Variants in RYR1 observed in about 807,000 individuals in gnomAD.
RYR1 encodes the protein ryanodine receptor 1.
Under a neutral mutation model 583.5 loss-of-function variants are expected in RYR1, and 342 were observed. The observed-to-expected ratio is 0.59, with a 90% CI of 0.54 to 0.64. The LOEUF (loss-of-function observed/expected upper bound fraction) is 0.64, where lower values mean the gene tolerates loss of function less well. RYR1 is among the 30% of genes least tolerant of loss of function. The pLI is 0.00. For missense variants in RYR1, 6,032 were observed against 6,917.2 expected (o/e 0.87, Z 4.54); for synonymous variants, 2,791 against 2,822.5 (o/e 0.99, Z 0.35).
rs1969451533 is a variant in RYR1, at chr19:38,489,404, G to A, written c.5775G>A (p.Gly1925=). ...AGAAAGAAGAAGGCTTGGAGGAAGG[G>A]CTGCTCCAGATGAAGTTGCCAGAGT... ...EGEKEEGLEE[G]LLQMKLPESV... The change falls in exon 35 of 106, where the codon GGG becomes GGA. Residue 1925 remains glycine, a synonymous_variant. Transcript: ENST00000359596. 8 of 1,613,998 alleles carry A rather than the reference G, an allele frequency of 5.0e-6. No individual in the cohort carries two copies. Among genetic ancestry groups the A allele is most frequent in the Non-Finnish European group, 6.8e-6 (8 of 1,179,928 alleles).
chr19:38,517,812 T>C, intron 66 of RYR1, 121 bp downstream of exon 66: 1 of 954,282 alleles, frequency 1.0e-6, no homozygotes, highest in Non-Finnish European at 1.6e-6. Flanking sequence ...GTGTAGGTTT[T>C]TTCAGCATCA....
chr19:38,493,897 G>A (rs1261935167), intron 38 of RYR1, among the ~76,000 whole-genome samples: 7 of 152,128 alleles, frequency 4.6e-5, no homozygotes, highest in Non-Finnish European at 7.4e-5. Context: ...GCTTCTGGTC[G>A]GCTCTGGTAT....
rs781379239 is a variant in RYR1 at position 38,529,035 on chromosome 19, C to G, written c.11119C>G (p.Arg3707Gly). The change falls in exon 76 of 106, where the codon CGC (arginine) becomes GGC (glycine). Residue 3707 changes from arginine to glycine, a missense_variant. Transcript: ENST00000359596. Reference protein sequence around the residue: ...PLHQLVLHFSRTALTEKSKLD... With the variant: ...PLHQLVLHFSGTALTEKSKLD... ...GCACCAGTTGGTCCTGCACTTCAGC[C>G]GCACTGCCCTGACGGAAAAGAGGTG... The G allele has an allele frequency of 6.2e-7, 1 of 1,613,754 alleles. No individual in the cohort carries two copies. Among genetic ancestry groups the G allele is most frequent in the Non-Finnish European group, 8.5e-7 (1 of 1,180,012 alleles).
chr19:38,545,504 G>T (rs1031475978), intron 87 of RYR1, among the ~76,000 whole-genome samples: 7 of 152,098 alleles, frequency 4.6e-5, no homozygotes, highest in Non-Finnish European at 8.8e-5. Flanking sequence ...ATTTTATTTG[G>T]TGGAACCATA....
chr19:38,502,872 T>A lies in RYR1; in HGVS notation c.7836-8T>A. The A allele has an allele frequency of 6.2e-7, 1 of 1,609,434 alleles. No individual in the cohort carries two copies. ...GGGGGATTCTACATCTTGTGCATTG[T>A]CCCGCAGGTACATCCGCCCGTCGAT... On this transcript the variant is annotated splice_region_variant and splice_polypyrimidine_tract_variant and intron_variant, in intron 48 of 105. Coordinates refer to ENST00000359596, the MANE Select transcript of RYR1 (RefSeq NM_000540.3).
In RYR1 at chr19:38,566,112, CAG is replaced by C. The variant is rs374555124; in HGVS notation, c.13437+348_13437+349del. The stretch of plus-strand genomic sequence containing the variant: ...GTAGAGAAAATGATACCTGCAGAGC[CAG>C]AGAGAGTAAGAAACCCAGAGACCAA... On this transcript the variant is annotated intron_variant, in intron 91 of 105. Coordinates refer to ENST00000359596, the MANE Select transcript of RYR1 (RefSeq NM_000540.3). Among the ~76,000 whole-genome samples, 41 of 151,846 alleles carry C rather than the reference CAG, an allele frequency of 2.7e-4. 1 individual carries two copies. The highest frequency in any genetic ancestry group is 9.7e-4 in the African/African-American group (40 of 41,412).
At chr19:38,578,474 C>G (rs1974057466) in intron 99 of RYR1, among the ~76,000 whole-genome samples, 1 of 152,236 alleles carries the variant, frequency 6.6e-6, no homozygotes, top group Non-Finnish European at 1.5e-5. Flanking sequence ...TGGTGGATCA[C>G]TGGAGCCCAG....
intron 102 of RYR1, 111 bp downstream of exon 102, chr19:38,585,210 C>CGAGAGG: frequency 1.5e-6 from 2 of 1,336,552 alleles, no homozygotes; most frequent in Non-Finnish European, 2.1e-6. Flanking sequence ...CTACCTCTCG[C>CGAGAGG]TACTGTGAGA....
chr19:38,544,196 T>G (rs2292801), intron 87 of RYR1, among the ~76,000 whole-genome samples: 2 of 152,180 alleles, frequency 1.3e-5, no homozygotes, highest in African/African-American at 4.8e-5. Flanking sequence ...ATCGCAGATG[T>G]GGACAGTCCT....
chr19:38,500,030 C>T lies in RYR1; in HGVS notation c.7323+14C>T. 3 of 1,611,540 alleles carry T rather than the reference C, an allele frequency of 1.9e-6. 1 individual carries two copies. The highest frequency in any genetic ancestry group is 2.2e-5 in the South Asian group (2 of 91,028). ...CCAGAGATGCATGTGAGACCCTGAG[C>T]CAGGGCAGGATGGGAAGGGAGGGCA... is the stretch of plus-strand genomic sequence containing the variant. On this transcript the variant is annotated intron_variant, in intron 45 of 105. Transcript: ENST00000359596. The surrounding 1 kb of genome is among the most constrained non-coding windows in gnomAD (Gnocchi z 5.9).
intron 47 of RYR1, 100 bp from the exon 48 acceptor site, chr19:38,502,407 C>T: frequency 1.3e-5 from 15 of 1,135,302 alleles, no homozygotes; most frequent in African/African-American, 1.5e-5. Flanking sequence ...TTGGGGGAGT[C>T]ATCAGAAGCT....
In RYR1 at chr19:38,443,612, C is replaced by T. The variant is rs118192173; in HGVS notation, c.325C>T (p.Arg109Trp). The T allele has an allele frequency of 4.8e-5, 77 of 1,614,100 alleles. No homozygotes were observed. The highest frequency in any genetic ancestry group is 5.8e-5 in the Non-Finnish European group (68 of 1,179,998). Residue 109 changes from arginine (R) to tryptophan (W), a missense_variant, in exon 4 of 106, where the codon CGG becomes TGG. Arg to Trp is a moderately radical substitution (Grantham distance 101). Transcript: ENST00000359596. ...TLLYGHAILL[R>W]HAHSRMYLSC... ...CCTGTATGGCCATGCCATCCTGCTC[C>T]GGCATGCACACAGCCGCATGGTGAG...
intron 7 of RYR1, among the ~76,000 whole-genome samples, chr19:38,445,817 C>T (rs1300749705): frequency 4.6e-5 from 7 of 152,084 alleles, no homozygotes; most frequent in Admixed American, 3.9e-4. Context: ...TGGCAAAACC[C>T]CATCTCTACT....
chr19:38,536,959 A>G (rs973666454), intron 83 of RYR1, 192 bp downstream of exon 83: 3 of 636,504 alleles, frequency 4.7e-6, no homozygotes, highest in African/African-American at 3.7e-5. Flanking sequence ...CAGATCAGCC[A>G]CTGAGAATAC....
At chr19:38,566,727 C>T (rs1973455464) in intron 91 of RYR1, among the ~76,000 whole-genome samples, 184 bp from the exon 92 acceptor site, 1 of 152,076 alleles carries the variant, frequency 6.6e-6, no homozygotes, top group Non-Finnish European at 1.5e-5. Context: ...AGGGCTTCAC[C>T]TCGATGAGCC....
chr19:38,506,675 T>TG (rs1436597687), intron 56 of RYR1, 129 bp downstream of exon 56: 17 of 1,470,258 alleles, frequency 1.2e-5, no homozygotes, highest in Non-Finnish European at 1.6e-5. Context: ...TTTACCACCA[T>TG]GGGGTAATGA....
rs747459771 is a variant in RYR1, at chr19:38,457,621, A to G, written c.1916A>G (p.Tyr639Cys). The change falls in exon 17 of 106, where the codon TAT becomes TGT. Residue 639 changes from tyrosine to cysteine, a missense_variant. This residue lies in a region of RYR1 where 2,627 missense variants were observed against 2,961.3 expected (regional missense o/e 0.89). Coordinates refer to ENST00000359596, the MANE Select transcript of RYR1 (RefSeq NM_000540.3). ...CTGCTGCAGACAAACCTCATCAACT[A>G]TGTCACCAGGTCTGGCTCTCAACAT... Reference protein sequence around the residue: ...ELLLQTNLINYVTSIRPNIFV... With the variant: ...ELLLQTNLINCVTSIRPNIFV... The G allele has an allele frequency of 4.3e-6, 7 of 1,613,856 alleles. No individual in the cohort carries two copies. Among genetic ancestry groups the G allele is most frequent in the African/African-American group, 2.7e-5 (2 of 74,824 alleles).
chr19:38,580,853 A>G (rs1251531339), intron 101 of RYR1, among the ~76,000 whole-genome samples: 3 of 152,022 alleles, frequency 2.0e-5, no homozygotes, highest in African/African-American at 4.8e-5. Context: ...TCTCTAAAAA[A>G]TGAAAATAGT....
intron 99 of RYR1, 76 bp from the exon 100 acceptor site, chr19:38,579,906 G>T: frequency 6.2e-7 from 1 of 1,601,114 alleles, no homozygotes; most frequent in South Asian, 1.1e-5. Context: ...GCTGACTCTC[G>T]AGTGGCCCCT....
Sources: gnomAD v4.1 joint callset for allele counts (sites outside exome capture counted in the v4.1 genomes callset) on GRCh38, gnomAD v4.1.1 for gene constraint, gnomAD v4.1.1 regional missense constraint, Gnocchi (gnomAD v3.1) non-coding constraint, MANE v1.5 for transcripts, NCBI Gene and HGNC (gene_info 2026-07-23, HGNC 2026-07-21) for gene names.